Variants in CIT observed in about 807,000 individuals in gnomAD.
The protein encoded by CIT is citron rho-interacting serine/threonine kinase.
Under a neutral mutation model 272.7 loss-of-function variants are expected in CIT, and 79 were observed. That is an observed-to-expected ratio of 0.29 (90% CI 0.24 to 0.35). CIT has a LOEUF of 0.35. Ranked by LOEUF, CIT falls within the 10% of genes least tolerant of loss-of-function variation. The pLI is 1.00. For synonymous variants in CIT, 948 were observed against 995.6 expected (o/e 0.95, Z 0.90); for missense variants, 1,909 against 2,618.3 (o/e 0.73, Z 5.91).
Position 119,850,229 on chromosome 12 carries a change from C to A in CIT, c.461G>T (p.Ser154Ile). ...EERNILSRST[S>I]PWIPQLQYAF... is the part of the protein sequence containing the mutation. The stretch of plus-strand genomic sequence containing the variant: ...ATACTGTAATTGGGGGATCCACGGG[C>A]TTGTGCTTCGAGATAATATGTTCCG... The change falls in exon 5 of 48, where the codon AGC (serine) becomes ATC (isoleucine). Residue 154 changes from serine (S) to isoleucine (I), a missense_variant. Ser to Ile is a moderately radical substitution (Grantham distance 142, BLOSUM62 -2). Coordinates refer to ENST00000392521, the MANE Select transcript of CIT (RefSeq NM_001206999.2). 1 of 1,613,498 alleles carries A rather than the reference C, an allele frequency of 6.2e-7. No homozygotes were observed. Among genetic ancestry groups the A allele is most frequent in the Non-Finnish European group, 8.5e-7 (1 of 1,179,738 alleles).
rs1311436776 is a variant in CIT at position 119,745,604 on chromosome 12, G to T, written c.2905-3140C>A. The stretch of plus-strand genomic sequence containing the variant: ...ACACAAATGAATGAAGAGCCCTGGA[G>T]AGATGGTAAAACAAAACAAACCAAA... On this transcript the variant is annotated intron_variant, in intron 23 of 47. Transcript: ENST00000392521. Among the ~76,000 whole-genome samples the T allele has an allele frequency of 2.0e-5, 3 of 152,082 alleles. No homozygotes were observed. In the East Asian group the frequency reaches 5.8e-4, roughly 29 times the overall value.
intron 26 of CIT, among the ~76,000 whole-genome samples, chr12:119,733,374 CA>C (rs529017895): frequency 6.1e-5 from 9 of 147,778 alleles, no homozygotes; most frequent in Admixed American, 2.0e-4. Flanking sequence ...TACAAAAATA[CA>C]AAAAAAAAAT....
chr12:119,832,648 C>A, intron 7 of CIT, 123 bp downstream of exon 7: 1 of 739,234 alleles, frequency 1.4e-6, no homozygotes. Context: ...GTCCCCACCC[C>A]CATACACTGC....
chr12:119,845,943 AACACACACACACACACACAC>A (rs58381184), intron 5 of CIT, among the ~76,000 whole-genome samples: 1 of 136,972 alleles, frequency 7.3e-6, no homozygotes, highest in African/African-American at 2.8e-5. Flanking sequence ...TCCATCTCAA[AACACACACACACACACACAC>A]ACACACACAC....
intron 10 of CIT, among the ~76,000 whole-genome samples, chr12:119,795,550 C>T (rs1320286422): frequency 6.6e-6 from 1 of 152,160 alleles, no homozygotes; most frequent in Non-Finnish European, 1.5e-5. Flanking sequence ...TTGTCAGGCA[C>T]TCAGAATAGT....
Position 119,803,369 on chromosome 12 carries a change from T to TGG in CIT, c.1130_1131dup (p.Thr378ProfsTer28). On this transcript the variant is annotated frameshift_variant, in exon 10 of 48. Coordinates refer to ENST00000392521, the MANE Select transcript of CIT (RefSeq NM_001206999.2). LOFTEE classifies it high-confidence loss of function. ...GAGGTGTCATCGTCAGACTTGAGGG[T>TGG]GGGAACGAAGGGGGGAGGAGCTGGT... 6.3e-7 allele frequency: 1 copy of TGG among 1,576,124 alleles called. No individual in the cohort carries two copies.
At chr12:119,841,551 T>C (rs887506339) in intron 5 of CIT, among the ~76,000 whole-genome samples, 10 of 152,072 alleles carry the variant, frequency 6.6e-5, no homozygotes, top group African/African-American at 2.4e-4. Flanking sequence ...TCCACAGTAA[T>C]AAGAATTTTA....
intron 10 of CIT, among the ~76,000 whole-genome samples, chr12:119,795,800 G>T (rs750726650): frequency 6.6e-6 from 1 of 152,178 alleles, no homozygotes; most frequent in Non-Finnish European, 1.5e-5. Flanking sequence ...GATAATATCA[G>T]CTACCTCATA....
chr12:119,833,573 G>A (rs562126731), intron 6 of CIT, among the ~76,000 whole-genome samples: 3 of 149,500 alleles, frequency 2.0e-5, no homozygotes, highest in Admixed American at 6.7e-5. Context: ...GCTGAGGCAG[G>A]AGAATCACCT....
intron 3 of CIT, among the ~76,000 whole-genome samples, chr12:119,867,430 C>A (rs1424200031): frequency 6.6e-6 from 1 of 152,194 alleles, no homozygotes; most frequent in African/African-American, 2.4e-5. Flanking sequence ...CTCAAGTGAT[C>A]CGCCGCCTCA....
chr12:119,798,998 C>A (rs185227203), intron 10 of CIT, among the ~76,000 whole-genome samples: 14 of 152,266 alleles, frequency 9.2e-5, no homozygotes, highest in Admixed American at 5.2e-4. Flanking sequence ...GGGACTGGAC[C>A]TTCTAATTCT....
chr12:119,807,786 A>T (rs1966693392), intron 9 of CIT, among the ~76,000 whole-genome samples: 1 of 152,104 alleles, frequency 6.6e-6, no homozygotes, highest in Non-Finnish European at 1.5e-5. Context: ...CTGATACAGT[A>T]TTATGAAATC....
chr12:119,721,377 C>T lies in CIT; in HGVS notation c.3664G>A (p.Ala1222Thr). Residue 1222 changes from alanine to threonine, a missense_variant, in exon 29 of 48, where the codon GCT (alanine) becomes ACT (threonine). Ala to Thr is a moderately conservative substitution (Grantham distance 58, BLOSUM62 0). Coordinates refer to ENST00000392521, the MANE Select transcript of CIT (RefSeq NM_001206999.2). ...TTCAGTAGATCAGCCCGATCTAGAGCTTCTTGCAGTCCTTGAGTCAGACGG... is the reference window on the plus strand; with the variant it reads ...TTCAGTAGATCAGCCCGATCTAGAGTTTCTTGCAGTCCTTGAGTCAGACGG... ...IFRLTQGLQE[A>T]LDRADLLKTE... 6.2e-7 allele frequency: 1 copy of T among 1,612,156 alleles called. No homozygotes were observed. The highest frequency in any genetic ancestry group is 8.5e-7 in the Non-Finnish European group (1 of 1,178,310).
At chr12:119,746,346 G>A (rs1282727956) in intron 23 of CIT, among the ~76,000 whole-genome samples, 1 of 152,166 alleles carries the variant, frequency 6.6e-6, no homozygotes, top group East Asian at 1.9e-4. Flanking sequence ...AAACAGACAT[G>A]TTTGTTTCTA....
chr12:119,830,991 A>G (rs1024724433), intron 7 of CIT, among the ~76,000 whole-genome samples: 22 of 152,284 alleles, frequency 1.4e-4, no homozygotes, highest in Admixed American at 1.4e-3. Flanking sequence ...TTGGCCTCCC[A>G]TGTGGCTGGA....
rs1958268382 is a variant in CIT, at chr12:119,728,685, C to T, written c.3487-79G>A. 1.0e-6 allele frequency: 1 copy of T among 976,200 alleles called. No homozygotes were observed. The allele number at this position is 976,200 out of a possible 1,614,324, so 60.5% of individuals were successfully genotyped here. ...ACAACGTTTATGAATGTCCACGAAC[C>T]TTCACGGAGAAAGAATATTGAGTTC... On this transcript the variant is annotated intron_variant, in intron 27 of 47. Coordinates refer to ENST00000392521, the MANE Select transcript of CIT (RefSeq NM_001206999.2). The surrounding 1 kb of genome is among the most constrained non-coding windows in gnomAD (Gnocchi z 4.3).
chr12:119,846,826 G>A (rs1488120771), intron 5 of CIT, among the ~76,000 whole-genome samples: 1 of 151,460 alleles, frequency 6.6e-6, no homozygotes, highest in Non-Finnish European at 1.5e-5. Flanking sequence ...AATCACTTGA[G>A]CCCTGCAATT....
rs574844028 is a variant in CIT, at chr12:119,857,706, AG to A, written c.239-9del. 589 of 1,611,562 alleles carry A rather than the reference AG, an allele frequency of 3.7e-4. 2 individuals carry two copies. The highest frequency in any genetic ancestry group is 2.0e-3 in the African/African-American group (149 of 74,972). On this transcript the variant is annotated splice_polypyrimidine_tract_variant and intron_variant, in intron 3 of 47. Transcript: ENST00000392521. ...CAGCTATGGTGTCGGAATCTGCAAA[AG>A]ATGCAAGAGTTAGCCCCAGGTAAAT...
In CIT at chr12:119,784,820, G is replaced by T; in HGVS notation, c.1401+140C>A. The T allele has an allele frequency of 6.9e-7, 1 of 1,445,808 alleles. No homozygotes were observed. The highest frequency in any genetic ancestry group is 1.4e-5 in the African/African-American group (1 of 69,638). The allele number at this position is 1,445,808 out of a possible 1,614,324, so 89.6% of individuals were successfully genotyped here. On this transcript the variant is annotated intron_variant, in intron 11 of 47. Transcript: ENST00000392521. The surrounding 1 kb of genome is among the most constrained non-coding windows in gnomAD (Gnocchi z 4.7). ...TCTCCCTCTGAGCTGCTGGAGGCGC[G>T]ACTTCAGCGAAGGCAGGAGCGCCTC...
Sources: gnomAD v4.1 joint callset for allele counts (sites outside exome capture counted in the v4.1 genomes callset) on GRCh38, gnomAD v4.1.1 for gene constraint, Gnocchi (gnomAD v3.1) non-coding constraint, MANE v1.5 for transcripts, NCBI Gene and HGNC (gene_info 2026-07-23, HGNC 2026-07-21) for gene names.